The following MTBP variants were observed in gnomAD, a reference collection of about 807,000 sequenced individuals.
The protein encoded by MTBP is MDM2 binding protein, also known as mdm2-binding protein.
A neutral mutation model predicts 117.0 loss-of-function variants in MTBP; 101 were observed. The observed-to-expected ratio is 0.86, with a 90% CI of 0.73 to 1.02. MTBP has a LOEUF of 1.02. Among genes scored for constraint, MTBP ranks in the 50% least tolerant of loss-of-function variants. MTBP has a pLI of 0.00. For missense variants in MTBP, 970 were observed against 1,030.9 expected (o/e 0.94, Z 0.81); for synonymous variants, 350 against 351.5 (o/e 1.00, Z 0.05).
intron 9 of MTBP, among the ~76,000 whole-genome samples, chr8:120,463,004 A>G (rs1006486654): frequency 6.6e-6 from 1 of 152,078 alleles, no homozygotes; most frequent in Non-Finnish European, 1.5e-5. Context: ...TTTTGCTACC[A>G]TTATGTTAAG....
chr8:120,491,585 C>A (rs1331784897), intron 13 of MTBP, among the ~76,000 whole-genome samples: 6 of 152,110 alleles, frequency 3.9e-5, no homozygotes, highest in Non-Finnish European at 8.8e-5. Context: ...CATACACACA[C>A]ATATATACTG....
chr8:120,512,612 A>T lies in MTBP; in HGVS notation c.1979+2583A>T, dbSNP rs1167798625. Among the ~76,000 whole-genome samples the T allele has an allele frequency of 4.6e-5, 7 of 152,260 alleles. No individual in the cohort carries two copies. In the East Asian group the frequency reaches 1.3e-3, roughly 29 times the overall value. On this transcript the variant is annotated intron_variant, in intron 17 of 21. Transcript: ENST00000305949. ...TACACAGAGCTTTATTAACTTATAC[A>T]CATACAATGTTATGAAATTCTGATT...
At chr8:120,453,604 C>T (rs932991352) in intron 4 of MTBP, among the ~76,000 whole-genome samples, 2 of 151,678 alleles carry the variant, frequency 1.3e-5, no homozygotes, top group Admixed American at 6.6e-5. Context: ...AGAACTTGTA[C>T]TCAGGGTTTG....
chr8:120,470,960 G>C (rs772073984), intron 11 of MTBP, 23 bp downstream of exon 11: 2 of 1,427,192 alleles, frequency 1.4e-6, no homozygotes, highest in Admixed American at 1.7e-5. Context: ...TGTTTCGGTT[G>C]TTTTAATGAT....
Position 120,490,474 on chromosome 8 carries a change from G to A in MTBP, c.1351G>A (p.Asp451Asn), listed in dbSNP as rs187881367. 2 of 1,590,500 alleles carry A rather than the reference G, an allele frequency of 1.3e-6. No individual in the cohort carries two copies. Among genetic ancestry groups the A allele is most frequent in the South Asian group, 1.2e-5 (1 of 86,816 alleles). The change falls in exon 13 of 22, where the codon GAC becomes AAC. Residue 451 changes from aspartate (D) to asparagine (N), a missense_variant. Coordinates refer to ENST00000305949, the MANE Select transcript of MTBP (RefSeq NM_022045.5). Reference protein sequence around the residue: ...TEEAKLSFPFDLLSLPHFSGE... With the variant: ...TEEAKLSFPFNLLSLPHFSGE... ...TTCTTATTTCTCAGGTTTTCCTTTT[G>A]ACTTATTATCACTTCCACATTTTTC...
chr8:120,459,398 C>T, intron 8 of MTBP, 49 bp downstream of exon 8: 1 of 1,538,392 alleles, frequency 6.5e-7, no homozygotes, highest in African/African-American at 1.4e-5. Context: ...TATTTTTGTT[C>T]CTATAAAATA....
intron 11 of MTBP, among the ~76,000 whole-genome samples, chr8:120,480,214 C>G (rs1270377855): frequency 6.9e-6 from 1 of 145,692 alleles, no homozygotes; most frequent in Non-Finnish European, 1.5e-5. Context: ...GCCTGGCCAA[C>G]ATGGCGAAAC....
Position 120,458,073 on chromosome 8 carries a change from A to G in MTBP, c.748-1142A>G, listed in dbSNP as rs183772557. Among the ~76,000 whole-genome samples the G allele has an allele frequency of 2.4e-3, 362 of 152,228 alleles. 5 individuals are homozygous for G. The highest frequency in any genetic ancestry group is 0.021 in the Admixed American group (318 of 15,284). On this transcript the variant is annotated intron_variant, in intron 7 of 21. Transcript: ENST00000305949. ...CTTACATACAGAGAGATAATGGCAG[A>G]GTTCTTTTCATGTGATTCTTTTATT...
chr8:120,509,164 T>TG (rs1182084256), intron 16 of MTBP, among the ~76,000 whole-genome samples: 3 of 152,180 alleles, frequency 2.0e-5, no homozygotes. Flanking sequence ...AAGAAAGATC[T>TG]GGGTCCCACG....
chr8:120,502,636 T>C, intron 15 of MTBP, 27 bp downstream of exon 15: 1 of 1,312,224 alleles, frequency 7.6e-7, no homozygotes, highest in Non-Finnish European at 1.1e-6. Context: ...TAGTAAAGCA[T>C]GTGATAGCTC....
At position 120,470,824 on chromosome 8, in the gene MTBP, G is replaced by T; in HGVS notation, c.1052G>T (p.Gly351Val). The T allele has an allele frequency of 6.3e-7, 1 of 1,596,696 alleles. No homozygotes were observed. The highest frequency in any genetic ancestry group is 8.6e-7 in the Non-Finnish European group (1 of 1,165,492). Residue 351 changes from glycine (G) to valine (V), a missense_variant, in exon 11 of 22, where the codon GGT (glycine) becomes GTT (valine). Gly to Val is a moderately radical substitution (Grantham distance 109). Transcript: ENST00000305949. ...EQISSLCSKV[G>V]ALFVLPCTIS... Reference sequence around the variant, plus strand: ...AATATGGTCTGTTTTATTCAGGTTGGTGCTCTTTTTGTATTGCCATGTACC... The same window carrying T: ...AATATGGTCTGTTTTATTCAGGTTGTTGCTCTTTTTGTATTGCCATGTACC...
intron 11 of MTBP, among the ~76,000 whole-genome samples, chr8:120,478,951 A>G (rs1814009400): frequency 6.6e-6 from 1 of 152,244 alleles, no homozygotes; most frequent in Non-Finnish European, 1.5e-5. Flanking sequence ...CTGTGCAGCC[A>G]TAAGAAATGT....
At chr8:120,475,531 G>A (rs1563792475) in intron 11 of MTBP, among the ~76,000 whole-genome samples, 3 of 151,716 alleles carry the variant, frequency 2.0e-5, no homozygotes, top group African/African-American at 7.3e-5. Context: ...ACCATCTGAT[G>A]TTTTTTTATA....
chr8:120,517,596 TTA>T (rs1288217454), intron 18 of MTBP, among the ~76,000 whole-genome samples: 2 of 151,868 alleles, frequency 1.3e-5, no homozygotes, highest in African/African-American at 4.8e-5. Flanking sequence ...TTTCTTGAAT[TTA>T]TGTTATAATG....
chr8:120,499,677 G>A (rs1413015153), intron 14 of MTBP, among the ~76,000 whole-genome samples: 2 of 152,046 alleles, frequency 1.3e-5, no homozygotes, highest in African/African-American at 2.4e-5. Context: ...AATTAATAAA[G>A]TTATTTAATC....
At chr8:120,506,041 T>A (rs1214414518) in intron 15 of MTBP, among the ~76,000 whole-genome samples, 2 of 152,226 alleles carry the variant, frequency 1.3e-5, no homozygotes, top group Non-Finnish European at 2.9e-5. Flanking sequence ...TATTTTTAGT[T>A]ATTATTTCAT....
At chr8:120,460,543 A>C (rs1813561315) in intron 8 of MTBP, among the ~76,000 whole-genome samples, 1 of 152,182 alleles carries the variant, frequency 6.6e-6, no homozygotes, top group African/African-American at 2.4e-5. Flanking sequence ...AACTACTGAA[A>C]TAGCCTCCCT....
intron 9 of MTBP, among the ~76,000 whole-genome samples, chr8:120,462,636 T>G (rs1813604989): frequency 6.6e-6 from 1 of 152,320 alleles, no homozygotes; most frequent in South Asian, 2.1e-4. Flanking sequence ...TTAATACTTC[T>G]TTTCTCTGTC....
chr8:120,466,921 A>AT (rs1161840735), intron 10 of MTBP, among the ~76,000 whole-genome samples: 1 of 152,052 alleles, frequency 6.6e-6, no homozygotes, highest in South Asian at 2.1e-4. Context: ...TAAACAATTA[A>AT]TTTTTTTAAA....
Sources: allele counts gnomAD v4.1 joint callset (sites outside exome capture counted in the v4.1 genomes callset), GRCh38; gene constraint gnomAD v4.1.1; transcripts MANE v1.5; gene names NCBI Gene and HGNC (gene_info 2026-07-23, HGNC 2026-07-21).